The following TMEM63A variants were observed in gnomAD, a reference collection of about 807,000 sequenced individuals.
TMEM63A encodes transmembrane protein 63A.
A neutral mutation model predicts 100.6 loss-of-function variants in TMEM63A; 76 were observed. The ratio of observed to expected loss-of-function variants is 0.76; its 90% CI spans 0.63 to 0.91. TMEM63A has a LOEUF of 0.91. Among genes scored for constraint, TMEM63A ranks in the 40% least tolerant of loss-of-function variants. TMEM63A has a pLI of 0.00. For synonymous variants in TMEM63A, 401 were observed against 401.1 expected (o/e 1.00, Z 0.00); for missense variants, 876 against 1,008.8 (o/e 0.87, Z 1.78).
intron 4 of TMEM63A, among the ~76,000 whole-genome samples, chr1:225,872,529 GAT>G (rs1368949387): frequency 6.6e-6 from 1 of 152,088 alleles, no homozygotes; most frequent in African/African-American, 2.4e-5. Flanking sequence ...CAATTTCAGA[GAT>G]GAGAAAATGT....
downstream of TMEM63A, chr1:225,845,136 T>C (rs1668843881): frequency 6.2e-7 from 1 of 1,613,818 alleles, no homozygotes; most frequent in African/African-American, 1.3e-5. Context: ...GTCGGCTCTT[T>C]CACTTCCAGG....
At chr1:225,873,686 G>C (rs1300808687) in intron 4 of TMEM63A, among the ~76,000 whole-genome samples, 1 of 152,176 alleles carries the variant, frequency 6.6e-6, no homozygotes, top group Non-Finnish European at 1.5e-5. Flanking sequence ...CTGGCCGAGG[G>C]AGCCTGTGCT....
intron 15 of TMEM63A, among the ~76,000 whole-genome samples, chr1:225,857,259 A>G (rs1316316894): frequency 6.6e-6 from 1 of 152,198 alleles, no homozygotes; most frequent in African/African-American, 2.4e-5. Flanking sequence ...GCAATTTCAC[A>G]TACGAGTAAA....
In TMEM63A at chr1:225,849,928, AAAG is replaced by A. The variant is rs1559033484; in HGVS notation, c.2052_2054del (p.Phe685del). Reference sequence around the variant, plus strand: ...GCTGCTCACCCAGGCGCAGGAAGGAAAAGAAGTAGAGCCAGAAGAGGCACAGGA... The same window carrying A: ...GCTGCTCACCCAGGCGCAGGAAGGAAAAGTAGAGCCAGAAGAGGCACAGGA... On this transcript the variant is annotated inframe_deletion, in exon 21 of 25. Coordinates refer to ENST00000366835, the MANE Select transcript of TMEM63A (RefSeq NM_014698.3). 5 of 1,614,060 alleles carry A rather than the reference AAAG, an allele frequency of 3.1e-6. No homozygotes were observed. Among genetic ancestry groups the A allele is most frequent in the South Asian group, 1.1e-5 (1 of 91,078 alleles).
rs45505095 is a variant in TMEM63A, at chr1:225,846,221, G to T, written c.*718C>A. 1,630 of 153,436 alleles carry T rather than the reference G, an allele frequency of 0.011. 16 individuals are homozygous for T. Among genetic ancestry groups the T allele is most frequent in the Middle Eastern group, 0.017 (5 of 298 alleles). The allele number at this position is 153,436 out of a possible 1,614,324, so 9.5% of individuals were successfully genotyped here. The stretch of plus-strand genomic sequence containing the variant: ...CACCTTGGAGGGAGCAGACGGAGGG[G>T]GTGAGTACTGCACAGAGCCTGCCTG... On this transcript the variant is annotated 3_prime_UTR_variant, in exon 25 of 25. Transcript: ENST00000366835.
intron 1 of TMEM63A, among the ~76,000 whole-genome samples, chr1:225,880,700 C>T (rs865890144): frequency 6.6e-6 from 1 of 152,310 alleles, no homozygotes; most frequent in African/African-American, 2.4e-5. Flanking sequence ...GGTGACTTCA[C>T]GCTCCCAACC....
intron 20 of TMEM63A, among the ~76,000 whole-genome samples, chr1:225,850,589 G>A (rs1669275782): frequency 2.6e-5 from 4 of 152,154 alleles, no homozygotes; most frequent in South Asian, 4.1e-4. Flanking sequence ...GTGTTTACTC[G>A]AGACCTTTGT....
At chr1:225,857,443 G>A (rs1473951555) in intron 15 of TMEM63A, among the ~76,000 whole-genome samples, 1 of 149,208 alleles carries the variant, frequency 6.7e-6, no homozygotes, top group Non-Finnish European at 1.5e-5. Flanking sequence ...GCATATCAGG[G>A]CTCCACTGTG....
At position 225,846,851 on chromosome 1, in the gene TMEM63A, TG is replaced by T; in HGVS notation, c.*87del. On this transcript the variant is annotated 3_prime_UTR_variant, in exon 25 of 25. Coordinates refer to ENST00000366835, the MANE Select transcript of TMEM63A (RefSeq NM_014698.3). ...AAAGATGGGCACCTGATAGCTCAGC[TG>T]GGCAGTCCCAACGCATTCCCACTCA... The T allele has an allele frequency of 1.6e-6, 1 of 643,726 alleles. No homozygotes were observed. Among genetic ancestry groups the T allele is most frequent in the Non-Finnish European group, 2.5e-6 (1 of 406,450 alleles). 39.9% of individuals were successfully genotyped at this position (643,726 alleles called of 1,614,324 possible).
chr1:225,862,651 C>T lies in TMEM63A; in HGVS notation c.828-73G>A. On this transcript the variant is annotated intron_variant, in intron 11 of 24. Transcript: ENST00000366835. This position sits in a 1 kb window ranked among gnomAD's most constrained non-coding sequence, Gnocchi z 5.1. The stretch of plus-strand genomic sequence containing the variant: ...GGCAGGGACCCCCATACCCACAGTT[C>T]AACCATCGAACGCCAGGGGAGAAGG... 6.2e-7 allele frequency: 1 copy of T among 1,601,890 alleles called. No homozygotes were observed. The highest frequency in any genetic ancestry group is 8.5e-7 in the Non-Finnish European group (1 of 1,172,366).
At position 225,852,734 on chromosome 1, in the gene TMEM63A, A is replaced by G; in HGVS notation, c.1833T>C (p.Tyr611=). ...CAGTGAAGACACACAGCATCCATGC[A>G]TACATGGCTCCAAACTCGTACTGGA... The part of the protein sequence containing the change: ...QAFQYEFGAM[Y]AWMLCVFTVI... Residue 611 remains tyrosine, a synonymous_variant, in exon 20 of 25, where the codon TAT becomes TAC. Transcript: ENST00000366835. The G allele has an allele frequency of 6.2e-7, 1 of 1,614,074 alleles. No homozygotes were observed. Among genetic ancestry groups the G allele is most frequent in the Non-Finnish European group, 8.5e-7 (1 of 1,180,034 alleles).
chr1:225,847,966 G>A (rs1396094937), intron 23 of TMEM63A, among the ~76,000 whole-genome samples: 1 of 152,162 alleles, frequency 6.6e-6, no homozygotes, highest in Non-Finnish European at 1.5e-5. Context: ...CCCCACCCTA[G>A]GAGCAGGACC....
At position 225,871,082 on chromosome 1, in the gene TMEM63A, C is replaced by T. The variant is rs778512108; in HGVS notation, c.365G>A (p.Arg122His). 22 of 1,613,900 alleles carry T rather than the reference C, an allele frequency of 1.4e-5. No individual in the cohort carries two copies. The highest frequency in any genetic ancestry group is 6.7e-5 in the Admixed American group (4 of 60,000). The change falls in exon 6 of 25, where the codon CGT becomes CAT. Residue 122 changes from arginine to histidine, a missense_variant. By Grantham distance (29) the Arg-to-His change is conservative (BLOSUM62 0). This residue lies in a region of TMEM63A where 487 missense variants were observed against 581.9 expected (regional missense o/e 0.84). Transcript: ENST00000366835. ...GCCPWLTAIF[R>H]LHDDQILEWC... is the part of the protein sequence containing the mutation. Reference sequence around the variant, plus strand: ...TGCCCCCGGGTGTACTCACTGCAGACGGAAGATGGCAGTCAGCCAGGGACA... The same window carrying T: ...TGCCCCCGGGTGTACTCACTGCAGATGGAAGATGGCAGTCAGCCAGGGACA...
At chr1:225,849,093 A>T (rs1390527258) in intron 21 of TMEM63A, 81 bp from the exon 22 acceptor site, 6 of 1,125,214 alleles carry the variant, frequency 5.3e-6, no homozygotes. Context: ...AAGGGGCCGC[A>T]CCTGGTGTGG....
At chr1:225,841,179 GT>G (rs1331332168), downstream of TMEM63A, 2 of 152,216 alleles carry the variant, frequency 1.3e-5, no homozygotes, top group African/African-American at 4.8e-5. Context: ...GATTGTGCCT[GT>G]TTAAGTCCTA....
rs982405816 is a variant in TMEM63A at position 225,862,049 on chromosome 1, G to A, written c.1085+169C>T. On this transcript the variant is annotated intron_variant, in intron 13 of 24. Transcript: ENST00000366835. This position sits in a 1 kb window ranked among gnomAD's most constrained non-coding sequence, Gnocchi z 5.1. ...ACCGCCTGTTACACAAACATGGGCT[G>A]GGCTGGCTGAAAGTGAGTGTGGGTA... The A allele has an allele frequency of 9.4e-7, 1 of 1,059,056 alleles. No homozygotes were observed. Among genetic ancestry groups the A allele is most frequent in the South Asian group, 1.6e-5 (1 of 63,220 alleles). The allele number at this position is 1,059,056 out of a possible 1,614,324, so 65.6% of individuals were successfully genotyped here. A position where few individuals can be genotyped will look rare whatever the true frequency, so the allele number is the denominator to read the frequency against.
At chr1:225,856,009 T>C (rs1463548678) in intron 17 of TMEM63A, 69 bp from the exon 18 acceptor site, 7 of 1,530,348 alleles carry the variant, frequency 4.6e-6, no homozygotes, top group Non-Finnish European at 6.3e-6. Context: ...CATGCTTTCA[T>C]TTTCTTTTGC....
rs1425225416 is a variant in TMEM63A at position 225,865,592 on chromosome 1, T to C, written c.746+305A>G. ...ATGCTAAGAACCCCGGGGTCAACAA[T>C]TTTTTCCCCCGTATGCTCTCAAGAC... On this transcript the variant is annotated intron_variant, in intron 10 of 24. Transcript: ENST00000366835. The surrounding 1 kb of genome is among the most constrained non-coding windows in gnomAD (Gnocchi z 4.6). 1 of 298,788 alleles carries C rather than the reference T, an allele frequency of 3.3e-6. No homozygotes were observed. The highest frequency in any genetic ancestry group is 5.9e-5 in the South Asian group (1 of 16,916). The allele number at this position is 298,788 out of a possible 1,614,324, so 18.5% of individuals were successfully genotyped here.
chr1:225,868,260 A>G (rs1376327210), intron 6 of TMEM63A, among the ~76,000 whole-genome samples: 2 of 152,226 alleles, frequency 1.3e-5, no homozygotes, highest in African/African-American at 4.8e-5. Flanking sequence ...ACTCGAGGTA[A>G]AGGAATACCA....
Sources: allele counts gnomAD v4.1 joint callset (sites outside exome capture counted in the v4.1 genomes callset), GRCh38; gene constraint gnomAD v4.1.1; regional missense constraint gnomAD v4.1.1; non-coding constraint Gnocchi (gnomAD v3.1); transcripts MANE v1.5; gene names NCBI Gene and HGNC (gene_info 2026-07-23, HGNC 2026-07-21).